CTNND2: variants seen among roughly 807,000 people sequenced by gnomAD.
CTNND2 encodes the protein catenin delta-2.
Under a neutral mutation model 144.4 loss-of-function variants are expected in CTNND2, and 22 were observed. That is an observed-to-expected ratio of 0.15 (90% CI 0.11 to 0.22). The LOEUF is 0.22. Ranked by LOEUF, CTNND2 falls within the 10% of genes least tolerant of loss-of-function variation. The pLI is 1.00. For missense variants in CTNND2, 1,353 were observed against 1,618.8 expected (o/e 0.84, Z 2.82); for synonymous variants, 751 against 695.6 (o/e 1.08, Z -1.25).
At chr5:11,769,291 T>G (rs1789781239) in intron 1 of CTNND2, among the ~76,000 whole-genome samples, 1 of 152,112 alleles carries the variant, frequency 6.6e-6, no homozygotes, top group Non-Finnish European at 1.5e-5. Context: ...TCTCTGAAGG[T>G]GATGCGCACC....
intron 12 of CTNND2, among the ~76,000 whole-genome samples, chr5:11,140,734 G>A (rs906324540): frequency 2.6e-5 from 4 of 152,196 alleles, no homozygotes; most frequent in Non-Finnish European, 2.9e-5. Flanking sequence ...TTTACCAAAA[G>A]TTCATCCAAT....
chr5:11,551,064 C>A (rs1226132936), intron 3 of CTNND2, among the ~76,000 whole-genome samples: 3 of 152,124 alleles, frequency 2.0e-5, no homozygotes, highest in Non-Finnish European at 2.9e-5. Context: ...TGTGGAGCAG[C>A]CTCCCTGGGC....
intron 3 of CTNND2, among the ~76,000 whole-genome samples, chr5:11,564,154 T>C (rs749518417): frequency 4.0e-4 from 61 of 152,294 alleles, no homozygotes; most frequent in Non-Finnish European, 7.9e-4. Context: ...ACTACTATTG[T>C]GTTAAGTTCA....
At chr5:11,254,735 G>A (rs572827877) in intron 9 of CTNND2, among the ~76,000 whole-genome samples, 1 of 152,300 alleles carries the variant, frequency 6.6e-6, no homozygotes, top group South Asian at 2.1e-4. Context: ...TCTGAGCTAG[G>A]AGAAACAGGT....
intron 1 of CTNND2, among the ~76,000 whole-genome samples, chr5:11,744,681 GTGTT>G (rs1442806001): frequency 1.8e-4 from 3 of 17,076 alleles, no homozygotes; most frequent in Non-Finnish European, 2.2e-4. Flanking sequence ...GTGTGTGTGT[GTGTT>G]TGTGTGTGTG....
At chr5:11,876,664 A>C (rs1735592919) in intron 1 of CTNND2, among the ~76,000 whole-genome samples, 1 of 152,162 alleles carries the variant, frequency 6.6e-6, no homozygotes. Context: ...AACACACCAC[A>C]TTATTAAATG....
At chr5:11,428,457 T>C (rs1762989459) in intron 3 of CTNND2, among the ~76,000 whole-genome samples, 1 of 152,194 alleles carries the variant, frequency 6.6e-6, no homozygotes, top group Non-Finnish European at 1.5e-5. Flanking sequence ...GCCAACTGAG[T>C]GAGGCTCTGT....
intron 1 of CTNND2, among the ~76,000 whole-genome samples, chr5:11,883,869 C>T (rs1278089720): frequency 6.6e-6 from 1 of 152,156 alleles, no homozygotes; most frequent in Non-Finnish European, 1.5e-5. Context: ...TAATGATCGC[C>T]ATGCTAACTG....
At chr5:11,156,349 C>T (rs893138916) in intron 12 of CTNND2, among the ~76,000 whole-genome samples, 1 of 152,124 alleles carries the variant, frequency 6.6e-6, no homozygotes, top group Non-Finnish European at 1.5e-5. Flanking sequence ...ACCCTGAAAT[C>T]ACATAAACAA....
In CTNND2 at chr5:11,483,700, G is replaced by A. The variant is rs182291748; in HGVS notation, c.288-71631C>T. Among the ~76,000 whole-genome samples, 4 of 152,286 alleles carry A rather than the reference G, an allele frequency of 2.6e-5. No homozygotes were observed. In the East Asian group the frequency reaches 7.7e-4, roughly 29 times the overall value. On this transcript the variant is annotated intron_variant, in intron 3 of 21. Transcript: ENST00000304623. ...ATCGTGAACTTCATGGTTCAGTGAT[G>A]CATGTTTTTGGCACCGAGTCTGTTC... is the stretch of plus-strand genomic sequence containing the variant.
At chr5:11,583,463 T>C (rs1456246450) in intron 2 of CTNND2, among the ~76,000 whole-genome samples, 1 of 152,216 alleles carries the variant, frequency 6.6e-6, no homozygotes, top group Non-Finnish European at 1.5e-5. Context: ...AGGGTCAGCT[T>C]CAGTTAAGTA....
chr5:11,422,206 A>G (rs938681682), intron 3 of CTNND2, among the ~76,000 whole-genome samples: 20 of 146,160 alleles, frequency 1.4e-4, no homozygotes, highest in Admixed American at 8.0e-4. Context: ...TAGAATTTAT[A>G]TTGTCTACCT....
chr5:11,865,599 C>T (rs564207588), intron 1 of CTNND2, among the ~76,000 whole-genome samples: 1 of 152,104 alleles, frequency 6.6e-6, no homozygotes, highest in South Asian at 2.1e-4. Flanking sequence ...AAAATACCCG[C>T]CAAATGCATA....
chr5:11,887,737 C>T (rs1736661084), intron 1 of CTNND2, among the ~76,000 whole-genome samples: 1 of 152,188 alleles, frequency 6.6e-6, no homozygotes, highest in Non-Finnish European at 1.5e-5. Flanking sequence ...CAAAATGCCA[C>T]ACCACATTTA....
intron 3 of CTNND2, among the ~76,000 whole-genome samples, chr5:11,500,720 G>T (rs976728474): frequency 5.3e-5 from 8 of 152,176 alleles, no homozygotes; most frequent in Non-Finnish European, 1.2e-4. Flanking sequence ...TACTCCAATA[G>T]CTACATATTC....
At chr5:11,068,559 A>G (rs949106959) in intron 16 of CTNND2, among the ~76,000 whole-genome samples, 7 of 152,212 alleles carry the variant, frequency 4.6e-5, no homozygotes, top group African/African-American at 1.7e-4. Flanking sequence ...GACAATAAAA[A>G]TTTGGTTTAT....
chr5:11,128,699 G>A lies in CTNND2; in HGVS notation c.2160-11132C>T, dbSNP rs146294281. 4.9e-3 allele frequency among the ~76,000 whole-genome samples: 581 copies of A among 119,504 alleles called. 5 individuals carry two copies. The highest frequency in any genetic ancestry group is 0.017 in the African/African-American group (536 of 31,964). 78.4% of individuals were successfully genotyped at this position (119,504 alleles called of 152,430 possible). A position where few individuals can be genotyped will look rare whatever the true frequency, so the allele number is the denominator to read the frequency against. The stretch of plus-strand genomic sequence containing the variant: ...TTCTAGATAATCAAACAACTGGATT[G>A]CTTTGCTCAAGACCAAAATGCCATA... On this transcript the variant is annotated intron_variant, in intron 12 of 21. Transcript: ENST00000304623.
intron 7 of CTNND2, among the ~76,000 whole-genome samples, chr5:11,368,116 T>G (rs1461507086): frequency 4.6e-5 from 7 of 151,974 alleles, no homozygotes; most frequent in Admixed American, 4.6e-4. Context: ...GGCTTACAGG[T>G]TAAGGAAGAT....
intron 2 of CTNND2, among the ~76,000 whole-genome samples, chr5:11,591,399 A>T (rs138002678): frequency 6.6e-6 from 1 of 152,194 alleles, no homozygotes. Context: ...TAAAAATAAC[A>T]ACCCATACAT....
Sources: allele counts gnomAD v4.1 joint callset (sites outside exome capture counted in the v4.1 genomes callset), GRCh38; gene constraint gnomAD v4.1.1; transcripts MANE v1.5; gene names NCBI Gene and HGNC (gene_info 2026-07-23, HGNC 2026-07-21).